The following MMAA variants were observed in gnomAD, a reference collection of about 807,000 sequenced individuals.
MMAA encodes the protein methylmalonic aciduria type A protein, mitochondrial.
MMAA carries 41 observed loss-of-function variants against 45.0 expected under a neutral mutation model. That is an observed-to-expected ratio of 0.91 (90% CI 0.71 to 1.18). The LOEUF (loss-of-function observed/expected upper bound fraction) is 1.18. Among genes scored for constraint, MMAA ranks in the 50% most tolerant of loss-of-function variants. MMAA has a pLI of 0.00. For synonymous variants in MMAA, 154 were observed against 178.2 expected, an observed-to-expected ratio of 0.86 and a Z score of 1.08; for missense variants, 460 against 495.7, an observed-to-expected ratio of 0.93 and a Z score of 0.68.
At position 145,639,399 on chromosome 4, in the gene MMAA, A is replaced by G. The variant is rs375210272; in HGVS notation, c.260A>G (p.Asp87Gly). Residue 87 changes from aspartate (D) to glycine (G), a missense_variant, in exon 2 of 7, where the codon GAT becomes GGT. Physicochemically the swap from Asp to Gly is moderately conservative, Grantham distance 94. Coordinates refer to ENST00000649156, the MANE Select transcript of MMAA (RefSeq NM_172250.3). ...GLSDKEQRFVDKLYTGLIQGQ... is the reference protein window; with the variant it reads ...GLSDKEQRFVGKLYTGLIQGQ... Reference sequence around the variant, plus strand: ...TCTGATAAAGAGCAAAGATTTGTGGATAAACTTTATACTGGTTTAATCCAA... The same window carrying G: ...TCTGATAAAGAGCAAAGATTTGTGGGTAAACTTTATACTGGTTTAATCCAA... The G allele has an allele frequency of 5.6e-6, 9 of 1,614,106 alleles. No individual in the cohort carries two copies. Among genetic ancestry groups the G allele is most frequent in the Non-Finnish European group, 7.6e-6 (9 of 1,180,044 alleles).
intron 2 of MMAA, among the ~76,000 whole-genome samples, chr4:145,640,138 GCT>G (rs766419222): frequency 6.8e-4 from 104 of 152,044 alleles, no homozygotes; most frequent in Non-Finnish European, 8.2e-4. Context: ...AGACAGTCTT[GCT>G]CTGTCGCCCA....
intron 1 of MMAA, among the ~76,000 whole-genome samples, chr4:145,637,749 T>A (rs1461363057): frequency 6.6e-6 from 1 of 152,214 alleles, no homozygotes; most frequent in Non-Finnish European, 1.5e-5. Context: ...GAAGAATTAT[T>A]ACCAGTGTTT....
chr4:145,624,036 A>C, intron 1 of MMAA: 1 of 761,602 alleles, frequency 1.3e-6, no homozygotes, highest in Admixed American at 1.8e-5. Flanking sequence ...GTTCAAAATT[A>C]GGCAGGAGAA....
chr4:145,636,445 C>G (rs182064452), intron 1 of MMAA, among the ~76,000 whole-genome samples: 1 of 152,210 alleles, frequency 6.6e-6, no homozygotes, highest in South Asian at 2.1e-4. Context: ...CCAAAAAGGT[C>G]TCTGTCATTT....
rs569156848 is a variant in MMAA, at chr4:145,626,553, A to G, written c.-66+7146A>G. On this transcript the variant is annotated intron_variant, in intron 1 of 6. Coordinates refer to ENST00000649156, the MANE Select transcript of MMAA (RefSeq NM_172250.3). ...ATTTTGGCCTAAGCAAAAAATAAAT[A>G]AATAAAAAGATAAATAGCCAGCCAT... 3.9e-5 allele frequency among the ~76,000 whole-genome samples: 6 copies of G among 152,352 alleles called. No homozygotes were observed. In the East Asian group the frequency reaches 5.8e-4, roughly 15 times the overall value.
chr4:145,640,540 A>G, intron 2 of MMAA, among the ~76,000 whole-genome samples: 1 of 152,034 alleles, frequency 6.6e-6, no homozygotes, highest in East Asian at 1.9e-4. Context: ...TTTTTTGTAG[A>G]GATGGGGTCT....
In MMAA at chr4:145,656,034, G is replaced by A. The variant is rs112882351; in HGVS notation, c.*600G>A. The A allele has an allele frequency of 7.8e-3, 1,194 of 152,252 alleles. 7 individuals are homozygous for A. Among genetic ancestry groups the A allele is most frequent in the Non-Finnish European group, 0.013 (878 of 68,026 alleles). The allele number at this position is 152,252 out of a possible 1,614,324, so 9.4% of individuals were successfully genotyped here. ...CCTTCCGCCACCCCCCAACATGATA[G>A]GTAAGAGAGCAAAAGGGAACTGGGA... On this transcript the variant is annotated 3_prime_UTR_variant, in exon 7 of 7. Transcript: ENST00000649156.
intron 2 of MMAA, among the ~76,000 whole-genome samples, chr4:145,640,862 T>TTA (rs1420945163): frequency 2.0e-5 from 3 of 152,232 alleles, no homozygotes; most frequent in Non-Finnish European, 2.9e-5. Flanking sequence ...ACTAGGTGAT[T>TTA]TGAACCAACC....
intron 1 of MMAA, among the ~76,000 whole-genome samples, chr4:145,637,552 T>G (rs17020461): frequency 0.066 from 9,986 of 152,056 alleles, 395 homozygotes; most frequent in Middle Eastern, 0.17. Flanking sequence ...TTTTCCCTAA[T>G]AGAATGTTAA....
chr4:145,645,814 GTTAA>G, intron 3 of MMAA, among the ~76,000 whole-genome samples, 168 bp from the exon 4 acceptor site: 1 of 152,168 alleles, frequency 6.6e-6, no homozygotes, highest in South Asian at 2.1e-4. Flanking sequence ...GGCTTGAAAT[GTTAA>G]GATTAATCTG....
chr4:145,646,367 C>A, intron 4 of MMAA: 1 of 551,590 alleles, frequency 1.8e-6, no homozygotes, highest in South Asian at 2.0e-5. Context: ...AGCCATCTAT[C>A]TGGATAACTG....
At chr4:145,648,777 GA>G (rs1162804430) in intron 4 of MMAA, among the ~76,000 whole-genome samples, 1 of 152,142 alleles carries the variant, frequency 6.6e-6, no homozygotes, top group Non-Finnish European at 1.5e-5. Context: ...TTGAACCCAG[GA>G]GTTCCAAACC....
chr4:145,652,533 C>T (rs927807045), intron 5 of MMAA, among the ~76,000 whole-genome samples: 4 of 152,134 alleles, frequency 2.6e-5, no homozygotes, highest in African/African-American at 9.6e-5. Flanking sequence ...TTGAGACCAT[C>T]CTGGCTAACA....
intron 1 of MMAA, 124 bp from the exon 2 acceptor site, chr4:145,638,951 G>GGTAGTATATT: frequency 1.6e-6 from 1 of 612,652 alleles, no homozygotes; most frequent in South Asian, 2.0e-5. Context: ...TCACCCATTT[G>GGTAGTATATT]TACTACCAAA....
At position 145,639,432 on chromosome 4, in the gene MMAA, G is replaced by C. The variant is rs1560795994; in HGVS notation, c.293G>C (p.Arg98Thr). Residue 98 changes from arginine (R) to threonine (T), a missense_variant, in exon 2 of 7, where the codon AGG becomes ACG. Coordinates refer to ENST00000649156, the MANE Select transcript of MMAA (RefSeq NM_172250.3). ...KLYTGLIQGQ[R>T]ACLAEAITLV... ...TATACTGGTTTAATCCAAGGGCAAA[G>C]GGCCTGTTTAGCAGAGGCCATAACT... The C allele has an allele frequency of 6.2e-7, 1 of 1,614,178 alleles. No homozygotes were observed. Among genetic ancestry groups the C allele is most frequent in the South Asian group, 1.1e-5 (1 of 91,084 alleles).
intron 1 of MMAA, among the ~76,000 whole-genome samples, chr4:145,630,076 A>G (rs2126610684): frequency 6.6e-6 from 1 of 152,204 alleles, no homozygotes. Context: ...TTTCAGTAAG[A>G]TTGGTATTAG....
intron 1 of MMAA, among the ~76,000 whole-genome samples, chr4:145,636,120 G>T (rs761163007): frequency 1.5e-4 from 23 of 152,200 alleles, no homozygotes; most frequent in Middle Eastern, 3.2e-3. Flanking sequence ...ACTCTAATGT[G>T]CCAGGCATTT....
chr4:145,648,183 T>C (rs1047696907), intron 4 of MMAA, among the ~76,000 whole-genome samples: 2 of 146,680 alleles, frequency 1.4e-5, no homozygotes, highest in Non-Finnish European at 3.0e-5. Flanking sequence ...AGTCTCGCTC[T>C]GTTGTCCAGG....
chr4:145,620,624 T>G (rs1391934416), intron 1 of MMAA, among the ~76,000 whole-genome samples: 1 of 152,228 alleles, frequency 6.6e-6, no homozygotes, highest in Non-Finnish European at 1.5e-5. Flanking sequence ...AGTCCTACAC[T>G]TACACAATGG....
Sources: allele counts gnomAD v4.1 joint callset (sites outside exome capture counted in the v4.1 genomes callset), GRCh38; gene constraint gnomAD v4.1.1; transcripts MANE v1.5; gene names NCBI Gene and HGNC (gene_info 2026-07-23, HGNC 2026-07-21).